RUNX1T1: variants seen among roughly 807,000 people sequenced by gnomAD.
RUNX1T1 encodes RUNX1 partner transcriptional co-repressor 1, also known as protein CBFA2T1.
A neutral mutation model predicts 62.8 loss-of-function variants in RUNX1T1; 4 were observed. That is an observed-to-expected ratio of 0.06 (90% CI 0.03 to 0.15). The LOEUF is 0.15. Among genes scored for constraint, RUNX1T1 ranks in the 10% least tolerant of loss-of-function variants. The pLI, the probability that RUNX1T1 is intolerant of heterozygous loss-of-function variation, is 1.00. For missense variants in RUNX1T1, 508 were observed against 754.3 expected, an observed-to-expected ratio of 0.67 and a Z score of 3.82; for synonymous variants, 291 against 286.0, an observed-to-expected ratio of 1.02 and a Z score of -0.18.
At chr8:91,959,176 GT>G (rs34269950) in exon 11 of RUNX1T1, 91,967 of 215,158 alleles carry the variant, frequency 0.43, 20,994 homozygotes, top group East Asian at 0.65. Flanking sequence ...AGAACTACTA[GT>G]TTTTAATTAA....
chr8:91,990,088 C>G (rs1204739462), intron 6 of RUNX1T1, among the ~76,000 whole-genome samples: 1 of 152,112 alleles, frequency 6.6e-6, no homozygotes, highest in Non-Finnish European at 1.5e-5. Context: ...AAAAAAGGCC[C>G]TACACGTGGA....
At chr8:92,081,112 G>T (rs1835193949) in intron 1 of RUNX1T1, 2 of 170,534 alleles carry the variant, frequency 1.2e-5, no homozygotes, top group Non-Finnish European at 2.4e-5. Context: ...TTACTCATCA[G>T]CTATTTGACC....
In RUNX1T1 at chr8:92,017,212, A is replaced by G; in HGVS notation, c.145+14T>C. 1 of 1,546,056 alleles carries G rather than the reference A, an allele frequency of 6.5e-7. No individual in the cohort carries two copies. Among genetic ancestry groups the G allele is most frequent in the Non-Finnish European group, 8.8e-7 (1 of 1,131,540 alleles). On this transcript the variant is annotated intron_variant, in intron 2 of 10. Transcript: ENST00000396218. ...TTTAAAACTGAAACTCAAAAGCCTGAAATGACTACTTACACGTTGTCGGTG... is the reference window on the plus strand; with the variant it reads ...TTTAAAACTGAAACTCAAAAGCCTGGAATGACTACTTACACGTTGTCGGTG...
chr8:92,085,229 C>T (rs1172951166), intron 1 of RUNX1T1, among the ~76,000 whole-genome samples: 1 of 152,156 alleles, frequency 6.6e-6, no homozygotes, highest in African/African-American at 2.4e-5. Flanking sequence ...GGGCAGAGGC[C>T]CAGACCAGTC....
At chr8:91,958,798 A>G (rs1031944884), downstream of RUNX1T1, 4 of 188,924 alleles carry the variant, frequency 2.1e-5, no homozygotes, top group Non-Finnish European at 4.4e-5. Flanking sequence ...ACATTTATGT[A>G]CATCCCTCTT....
chr8:92,044,314 G>C (rs1165491312), intron 1 of RUNX1T1, among the ~76,000 whole-genome samples: 2 of 152,178 alleles, frequency 1.3e-5, no homozygotes, highest in East Asian at 3.9e-4. Context: ...AGCTGTAACT[G>C]ACAGTTGGCT....
intron 2 of RUNX1T1, chr8:92,071,517 G>T (rs948884653): frequency 6.6e-6 from 1 of 151,134 alleles, no homozygotes; most frequent in Non-Finnish European, 1.5e-5. Flanking sequence ...TTTTAATCAA[G>T]CATGTCTGTC....
chr8:91,970,803 T>C (rs1428829991), exon 10 of RUNX1T1: 1 of 1,612,990 alleles, frequency 6.2e-7, no homozygotes, highest in Non-Finnish European at 8.5e-7. Flanking sequence ...CACGGCCTTC[T>C]GCAGCTCCGT....
intron 5 of RUNX1T1, among the ~76,000 whole-genome samples, chr8:91,993,171 CT>C (rs1337494708): frequency 6.6e-6 from 1 of 152,150 alleles, no homozygotes; most frequent in African/African-American, 2.4e-5. Context: ...CATAGAGGCA[CT>C]TCTTCTACTT....
chr8:92,066,656 T>C (rs1233077548), upstream of RUNX1T1, among the ~76,000 whole-genome samples: 3 of 152,218 alleles, frequency 2.0e-5, no homozygotes, highest in Admixed American at 2.0e-4. Context: ...TTAATTTGTT[T>C]CTGCCACTGA....
Position 92,076,119 on chromosome 8 carries a change from G to T in RUNX1T1, c.-67C>A. 1 of 1,552,428 alleles carries T rather than the reference G, an allele frequency of 6.4e-7. No homozygotes were observed. Among genetic ancestry groups the T allele is most frequent in the Non-Finnish European group, 8.6e-7 (1 of 1,158,112 alleles). Reference sequence around the variant, plus strand: ...ACTGGGACAGAGATTATGTTCACCAGCCCAGAGATCAATCTTTTCTATTGA... The same window carrying T: ...ACTGGGACAGAGATTATGTTCACCATCCCAGAGATCAATCTTTTCTATTGA... On this transcript the variant is annotated 5_prime_UTR_variant, in exon 2 of 12. In the 5' UTR this introduces an upstream ATG that the reference lacks. Transcript: ENST00000265814.
At chr8:91,980,676 T>G (rs988724177) in intron 8 of RUNX1T1, among the ~76,000 whole-genome samples, 1 of 152,200 alleles carries the variant, frequency 6.6e-6, no homozygotes, top group Non-Finnish European at 1.5e-5. Flanking sequence ...TTAAATTTTT[T>G]AATTTTATAT....
intron 4 of RUNX1T1, among the ~76,000 whole-genome samples, chr8:92,007,601 C>T (rs1427054825): frequency 1.3e-5 from 2 of 152,088 alleles, no homozygotes; most frequent in African/African-American, 4.8e-5. Flanking sequence ...TACTACACAC[C>T]TAGAATATAT....
intron 1 of RUNX1T1, chr8:92,094,914 T>G (rs575444251): frequency 2.1e-4 from 158 of 743,770 alleles, no homozygotes; most frequent in Non-Finnish European, 3.2e-4. Flanking sequence ...ATCTAAAGGC[T>G]TCAGCGTCCA....
intron 1 of RUNX1T1, among the ~76,000 whole-genome samples, chr8:92,029,277 T>C (rs1825806788): frequency 6.6e-6 from 1 of 152,210 alleles, no homozygotes; most frequent in Non-Finnish European, 1.5e-5. Flanking sequence ...AGATGTTCAT[T>C]TCTATAGTGT....
At chr8:92,005,379 G>A (rs1820557833) in intron 4 of RUNX1T1, 82 bp from the exon 6 acceptor site, 1 of 1,268,924 alleles carries the variant, frequency 7.9e-7, no homozygotes, top group African/African-American at 1.5e-5. Context: ...TCGAACACTG[G>A]AGAAGAGTAT....
chr8:92,026,295 C>T (rs1324565801), intron 1 of RUNX1T1, among the ~76,000 whole-genome samples: 3 of 152,192 alleles, frequency 2.0e-5, no homozygotes, highest in Non-Finnish European at 4.4e-5. Flanking sequence ...CATGGTTTAT[C>T]TCACTTTAAA....
At chr8:92,012,725 G>C (rs1405408668) in intron 3 of RUNX1T1, among the ~76,000 whole-genome samples, 1 of 149,662 alleles carries the variant, frequency 6.7e-6, no homozygotes, top group Non-Finnish European at 1.5e-5. Context: ...TTGCCCATGT[G>C]TCAAATGTGT....
chr8:91,987,170 A>T (rs1816747736), intron 6 of RUNX1T1, among the ~76,000 whole-genome samples, 198 bp from the exon 8 acceptor site: 1 of 152,228 alleles, frequency 6.6e-6, no homozygotes, highest in Non-Finnish European at 1.5e-5. Flanking sequence ...AACTAGAAGG[A>T]ATTTTAGAGG....
Sources: allele counts gnomAD v4.1 joint callset (sites outside exome capture counted in the v4.1 genomes callset), GRCh38; gene constraint gnomAD v4.1.1; transcripts MANE v1.5; gene names NCBI Gene and HGNC (gene_info 2026-07-23, HGNC 2026-07-21).